Variants in NCALD observed in about 807,000 individuals in gnomAD.
NCALD encodes neurocalcin delta.
A neutral mutation model predicts 18.6 loss-of-function variants in NCALD; 10 were observed. The observed-to-expected ratio is 0.54, with a 90% CI of 0.33 to 0.91. The LOEUF (loss-of-function observed/expected upper bound fraction) is 0.91. Among genes scored for constraint, NCALD ranks in the 40% least tolerant of loss-of-function variants. NCALD has a pLI of 0.03. For missense variants in NCALD, 184 were observed against 247.6 expected, an observed-to-expected ratio of 0.74 and a Z score of 1.72; for synonymous variants, 88 against 87.4, an observed-to-expected ratio of 1.01 and a Z score of -0.04.
chr8:101,901,687 A>G (rs987843393), intron 3 of NCALD, among the ~76,000 whole-genome samples: 1 of 152,146 alleles, frequency 6.6e-6, no homozygotes, highest in East Asian at 1.9e-4. Flanking sequence ...ACTACATCGG[A>G]TAGTGTTATT....
At chr8:102,112,483 A>T (rs1400711090) in intron 1 of NCALD, among the ~76,000 whole-genome samples, 2 of 149,772 alleles carry the variant, frequency 1.3e-5, no homozygotes, top group Non-Finnish European at 3.0e-5. Context: ...AACTGTGATA[A>T]AAAAAAAAAT....
chr8:101,868,667 C>G (rs1056802276), intron 4 of NCALD, among the ~76,000 whole-genome samples: 2 of 152,134 alleles, frequency 1.3e-5, no homozygotes, highest in Non-Finnish European at 2.9e-5. Flanking sequence ...AGGAGAAGCA[C>G]AGACCAAAAA....
At chr8:102,091,276 G>A (rs1339163321) in intron 1 of NCALD, among the ~76,000 whole-genome samples, 1 of 152,114 alleles carries the variant, frequency 6.6e-6, no homozygotes, top group East Asian at 1.9e-4. Context: ...GTCTTACCAG[G>A]ATTTGTTGCT....
chr8:102,040,471 CAA>C (rs60568830), intron 1 of NCALD, among the ~76,000 whole-genome samples: 21,172 of 135,696 alleles, frequency 0.16, 1,801 homozygotes, highest in Non-Finnish European at 0.2. Context: ...GAGAATCCAT[CAA>C]AAAAAAAAAA....
At chr8:101,943,868 G>C (rs1819056001) in intron 2 of NCALD, among the ~76,000 whole-genome samples, 1 of 151,442 alleles carries the variant, frequency 6.6e-6, no homozygotes, top group Admixed American at 6.6e-5. Flanking sequence ...TTGAACTAGG[G>C]AGGCGGAGGT....
At chr8:101,844,324 T>C (rs1175844956) in intron 4 of NCALD, among the ~76,000 whole-genome samples, 1 of 152,034 alleles carries the variant, frequency 6.6e-6, no homozygotes, top group Non-Finnish European at 1.5e-5. Flanking sequence ...ATTGTCAATA[T>C]CATGTGCTTC....
chr8:101,803,903 G>A (rs1178543006), intron 4 of NCALD, among the ~76,000 whole-genome samples: 6 of 152,192 alleles, frequency 3.9e-5, no homozygotes, highest in Non-Finnish European at 8.8e-5. Context: ...TTTCTACTAT[G>A]GGTAAATGCC....
At chr8:102,104,680 G>C (rs1222719681) in intron 1 of NCALD, among the ~76,000 whole-genome samples, 1 of 152,164 alleles carries the variant, frequency 6.6e-6, no homozygotes, top group Admixed American at 6.5e-5. Context: ...GATGTGGGTT[G>C]TTTTTGCATG....
chr8:102,065,784 G>A (rs756396851), intron 1 of NCALD, among the ~76,000 whole-genome samples: 6 of 151,848 alleles, frequency 4.0e-5, no homozygotes, highest in African/African-American at 1.5e-4. Flanking sequence ...GACCAGCCTG[G>A]GCAACATAGC....
chr8:101,748,185 C>G (rs2130751671), intron 1 of NCALD, among the ~76,000 whole-genome samples: 2 of 152,226 alleles, frequency 1.3e-5, no homozygotes, highest in East Asian at 3.9e-4. Context: ...GGCCTGGTCA[C>G]CTGTCTTTTT....
At chr8:102,098,816 A>G (rs1825183506) in intron 1 of NCALD, among the ~76,000 whole-genome samples, 1 of 152,196 alleles carries the variant, frequency 6.6e-6, no homozygotes, top group African/African-American at 2.4e-5. Context: ...TGATGGCCAC[A>G]TGAACTAGGT....
At chr8:101,728,545 G>A (rs1056813337) in intron 1 of NCALD, among the ~76,000 whole-genome samples, 4 of 152,206 alleles carry the variant, frequency 2.6e-5, no homozygotes, top group South Asian at 2.1e-4. Flanking sequence ...TGCCTAGGGC[G>A]GGGCGTAGCT....
chr8:101,908,314 T>G (rs1817676943), intron 3 of NCALD, among the ~76,000 whole-genome samples: 1 of 152,180 alleles, frequency 6.6e-6, no homozygotes, highest in African/African-American at 2.4e-5. Context: ...TTCTTCCAGT[T>G]TTATGTGCTT....
chr8:101,942,138 C>T (rs936806697), intron 2 of NCALD, among the ~76,000 whole-genome samples: 3 of 152,152 alleles, frequency 2.0e-5, no homozygotes, highest in African/African-American at 7.2e-5. Context: ...CTGTATATAG[C>T]TTGTCTAGAG....
At chr8:102,064,609 C>T (rs899203153) in intron 1 of NCALD, among the ~76,000 whole-genome samples, 1 of 152,214 alleles carries the variant, frequency 6.6e-6, no homozygotes, top group Non-Finnish European at 1.5e-5. Flanking sequence ...CCAAAACAAA[C>T]AGCATTCCAC....
intron 3 of NCALD, among the ~76,000 whole-genome samples, chr8:101,901,275 G>A (rs1243644883): frequency 6.6e-6 from 1 of 150,822 alleles, no homozygotes; most frequent in Non-Finnish European, 1.5e-5. Context: ...ATATAGTTGG[G>A]GTTTTTTAAA....
chr8:101,809,786 C>G (rs1449746066), intron 4 of NCALD, among the ~76,000 whole-genome samples: 1 of 152,184 alleles, frequency 6.6e-6, no homozygotes, highest in African/African-American at 2.4e-5. Flanking sequence ...CTCAAGTGAT[C>G]TGCCTGCCTC....
At chr8:101,816,286 T>G (rs1054756375) in intron 4 of NCALD, among the ~76,000 whole-genome samples, 3 of 152,128 alleles carry the variant, frequency 2.0e-5, no homozygotes, top group Non-Finnish European at 4.4e-5. Context: ...TAAAACAGTA[T>G]GCAAGAAGGA....
At chr8:101,744,021 G>T (rs551692643) in intron 1 of NCALD, among the ~76,000 whole-genome samples, 58 of 152,336 alleles carry the variant, frequency 3.8e-4, no homozygotes, top group South Asian at 2.1e-3. Context: ...TTGACTTGGA[G>T]AAGTGTCTTC....
Sources: allele counts gnomAD v4.1 joint callset (sites outside exome capture counted in the v4.1 genomes callset), GRCh38; gene constraint gnomAD v4.1.1; transcripts MANE v1.5; gene names NCBI Gene and HGNC (gene_info 2026-07-23, HGNC 2026-07-21).